CBX3: variants seen among roughly 807,000 people sequenced by gnomAD.
CBX3 encodes the protein chromobox protein homolog 3.
A neutral mutation model predicts 22.6 loss-of-function variants in CBX3; 5 were observed. The observed-to-expected ratio is 0.22, with a 90% CI of 0.12 to 0.47. The LOEUF (loss-of-function observed/expected upper bound fraction) is 0.47, where lower values mean the gene tolerates loss of function less well. Among genes scored for constraint, CBX3 ranks in the 20% least tolerant of loss-of-function variants. The pLI is 0.99. For missense variants in CBX3, 83 were observed against 208.1 expected, an observed-to-expected ratio of 0.40 and a Z score of 3.70; for synonymous variants, 50 against 66.6, an observed-to-expected ratio of 0.75 and a Z score of 1.21.
At chr7:26,204,182 C>T (rs1297664956) in intron 2 of CBX3, among the ~76,000 whole-genome samples, 1 of 150,676 alleles carries the variant, frequency 6.6e-6, no homozygotes, top group African/African-American at 2.4e-5. Context: ...TTGAAACTAG[C>T]TTATGAATGC....
At chr7:26,210,309 T>C (rs1417096700) in intron 4 of CBX3, 1 of 152,200 alleles carries the variant, frequency 6.6e-6, no homozygotes, top group Admixed American at 6.5e-5. Flanking sequence ...TATTAAATAA[T>C]AAATCAGGCA....
At chr7:26,210,964 A>G (rs1365243446) in intron 4 of CBX3, among the ~76,000 whole-genome samples, 4 of 151,998 alleles carry the variant, frequency 2.6e-5, no homozygotes. Context: ...ACTGGTTTAT[A>G]TTAAGTACTT....
chr7:26,212,094 T>G lies in CBX3; in HGVS notation c.438T>G (p.Asp146Glu). The G allele has an allele frequency of 6.4e-7, 1 of 1,574,576 alleles. No homozygotes were observed. The highest frequency in any genetic ancestry group is 8.6e-7 in the Non-Finnish European group (1 of 1,165,530). The change falls in exon 6 of 6, where the codon GAT (aspartate) becomes GAG (glutamate). Residue 146 changes from aspartate to glutamate, a missense_variant. By Grantham distance (45) the Asp-to-Glu change is conservative (BLOSUM62 2). This residue lies in a region of CBX3 where 59 missense variants were observed against 155.0 expected (regional missense o/e 0.38). Transcript: ENST00000396386. ...LMFLMKWKDS[D>E]EADLVLAKEA... ...TTTCTTAAAACAGGAAAGATTCAGA[T>G]GAGGCAGACTTGGTGCTGGCGAAAG... is the stretch of plus-strand genomic sequence containing the variant.
intron 5 of CBX3, 113 bp from the exon 6 acceptor site, chr7:26,211,969 C>A: frequency 1.0e-6 from 1 of 999,154 alleles, no homozygotes; most frequent in Admixed American, 3.3e-5. Flanking sequence ...TAACATAACT[C>A]TCCTGGAGCA....
intron 4 of CBX3, among the ~76,000 whole-genome samples, chr7:26,211,159 A>G (rs887136756): frequency 6.6e-6 from 1 of 151,984 alleles, no homozygotes; most frequent in East Asian, 1.9e-4. Flanking sequence ...CTCCAAAGCC[A>G]TCCTGGGCCA....
At chr7:26,202,792 A>AG in intron 1 of CBX3, 179 bp from the exon 2 acceptor site, 1 of 593,050 alleles carries the variant, frequency 1.7e-6, no homozygotes, top group Admixed American at 3.3e-5. Context: ...TCACATGGTT[A>AG]GGACACGTAC....
intron 1 of CBX3, 179 bp from the exon 2 acceptor site, chr7:26,202,792 A>T (rs2128136332): frequency 1.7e-6 from 1 of 593,050 alleles, no homozygotes; most frequent in Admixed American, 3.3e-5. Flanking sequence ...TCACATGGTT[A>T]GGACACGTAC....
chr7:26,203,555 T>C (rs557646271), intron 2 of CBX3, among the ~76,000 whole-genome samples: 1 of 152,322 alleles, frequency 6.6e-6, no homozygotes, highest in African/African-American at 2.4e-5. Flanking sequence ...TTTTGTTTTT[T>C]AAACAAAATG....
Position 26,212,284 on chromosome 7 carries a change from G to T in CBX3, c.*76G>T. The stretch of plus-strand genomic sequence containing the variant: ...GTCTTAGATTTTGATTTACTAGTGT[G>T]ACAAAATAACTACATCCTAATGAAA... On this transcript the variant is annotated 3_prime_UTR_variant, in exon 6 of 6. Transcript: ENST00000396386. The T allele has an allele frequency of 2.3e-6, 2 of 888,742 alleles. No individual in the cohort carries two copies. The highest frequency in any genetic ancestry group is 1.5e-6 in the Non-Finnish European group (1 of 688,856). The allele number at this position is 888,742 out of a possible 1,614,324, so 55.1% of individuals were successfully genotyped here.
rs1784847223 is a variant in CBX3, at chr7:26,213,094, T to A, written c.*886T>A. 2 of 152,442 alleles carry A rather than the reference T, an allele frequency of 1.3e-5. No homozygotes were observed. Among genetic ancestry groups the A allele is most frequent in the Admixed American group, 6.5e-5 (1 of 15,292 alleles). The allele number at this position is 152,442 out of a possible 1,614,324, so 9.4% of individuals were successfully genotyped here. The stretch of plus-strand genomic sequence containing the variant: ...CTTGGCTCATAGAAACCTAATCAGA[T>A]GGTTAGAGGTGTTGGCAGTTTAGGA... On this transcript the variant is annotated 3_prime_UTR_variant, in exon 6 of 6. Coordinates refer to ENST00000396386, the MANE Select transcript of CBX3 (RefSeq NM_016587.4).
chr7:26,202,985 GT>G lies in CBX3; in HGVS notation c.-13del, dbSNP rs766045487. 6.2e-6 allele frequency: 10 copies of G among 1,605,442 alleles called. No individual in the cohort carries two copies. The African/African-American group carries it at 1.3e-4, about 22-fold the overall frequency. On this transcript the variant is annotated 5_prime_UTR_variant, in exon 2 of 6. Coordinates refer to ENST00000396386, the MANE Select transcript of CBX3 (RefSeq NM_016587.4). Reference sequence around the variant, plus strand: ...CATTTTTCTAGTAATAGCTCTTCAAGTCTGCAATAAAAAATGGCCTCCAACA... The same window carrying G: ...CATTTTTCTAGTAATAGCTCTTCAAGCTGCAATAAAAAATGGCCTCCAACA...
At position 26,213,424 on chromosome 7, in the gene CBX3, TTA is replaced by T. The variant is rs1784859827; in HGVS notation, c.*1218_*1219del. The T allele has an allele frequency of 1.3e-5, 2 of 152,466 alleles. No individual in the cohort carries two copies. The highest frequency in any genetic ancestry group is 1.3e-4 in the Admixed American group (2 of 15,298). The allele number at this position is 152,466 out of a possible 1,614,324, so 9.4% of individuals were successfully genotyped here. The stretch of plus-strand genomic sequence containing the variant: ...AATAGAAATGCCCACACTCATTGGA[TTA>T]TCTTTGTTTATAAGTTAGATGATAC... On this transcript the variant is annotated 3_prime_UTR_variant, in exon 6 of 6. Transcript: ENST00000396386.
rs1011794301 is a variant in CBX3 at position 26,203,299 on chromosome 7, C to G, written c.24+277C>G. On this transcript the variant is annotated intron_variant, in intron 2 of 5. Coordinates refer to ENST00000396386, the MANE Select transcript of CBX3 (RefSeq NM_016587.4). ...ATTTTTATCTTCAAATAGAAATACA[C>G]ACATTTTTGCAGCGTTGAAAAATGT... 2.0e-5 allele frequency among the ~76,000 whole-genome samples: 3 copies of G among 150,830 alleles called. No individual in the cohort carries two copies. The East Asian group carries it at 5.8e-4, about 29-fold the overall frequency.
At chr7:26,207,405 C>G (rs1784703843) in intron 3 of CBX3, among the ~76,000 whole-genome samples, 1 of 152,190 alleles carries the variant, frequency 6.6e-6, no homozygotes, top group South Asian at 2.1e-4. Context: ...ATTATTTTTA[C>G]CCATCAAAAC....
intron 4 of CBX3, chr7:26,210,658 T>A (rs940522362): frequency 3.3e-5 from 5 of 152,168 alleles, no homozygotes; most frequent in African/African-American, 1.2e-4. Flanking sequence ...CCAGAGAGCT[T>A]TTGTTTATAT....
intron 5 of CBX3, 92 bp downstream of exon 5, chr7:26,211,848 C>CT (rs1784808149): frequency 2.1e-6 from 2 of 968,398 alleles, no homozygotes; most frequent in South Asian, 3.4e-5. Context: ...TAGGGAAAAA[C>CT]TATCTGCTGA....
intron 1 of CBX3, 100 bp from the exon 2 acceptor site, chr7:26,202,871 G>A (rs906484961): frequency 1.4e-6 from 1 of 730,416 alleles, no homozygotes; most frequent in Non-Finnish European, 2.4e-6. Context: ...CGTTTGAAAT[G>A]TGCGCTCTCT....
intron 4 of CBX3, chr7:26,210,480 C>G (rs1784777726): frequency 6.6e-6 from 1 of 152,138 alleles, no homozygotes; most frequent in African/African-American, 2.4e-5. Context: ...AGCCACACAG[C>G]TCGTAAGTGG....
intron 2 of CBX3, 116 bp from the exon 3 acceptor site, chr7:26,206,252 G>C: frequency 3.1e-6 from 2 of 646,154 alleles, no homozygotes; most frequent in Non-Finnish European, 5.3e-6. Flanking sequence ...GTCTGCCCTG[G>C]GATATAGAAG....
Sources: gnomAD v4.1 joint callset for allele counts (sites outside exome capture counted in the v4.1 genomes callset) on GRCh38, gnomAD v4.1.1 for gene constraint, gnomAD v4.1.1 regional missense constraint, MANE v1.5 for transcripts, NCBI Gene and HGNC (gene_info 2026-07-23, HGNC 2026-07-21) for gene names.